The following FAM178B variants were observed in gnomAD, a reference collection of about 807,000 sequenced individuals.
The protein encoded by FAM178B is family with sequence similarity 178 member B, also known as protein FAM178B.
FAM178B carries 82 observed loss-of-function variants against 91.7 expected under a neutral mutation model. That is an observed-to-expected ratio of 0.89 (90% CI 0.75 to 1.07). The LOEUF is 1.07. Among genes scored for constraint, FAM178B ranks in the 50% least tolerant of loss-of-function variants. The pLI is 0.00. For synonymous variants in FAM178B, 368 were observed against 359.4 expected, an observed-to-expected ratio of 1.02 and a Z score of -0.27; for missense variants, 769 against 846.7, an observed-to-expected ratio of 0.91 and a Z score of 1.14.
At chr2:96,926,989 C>A (rs1440986559) in intron 9 of FAM178B, among the ~76,000 whole-genome samples, 1 of 152,204 alleles carries the variant, frequency 6.6e-6, no homozygotes, top group Non-Finnish European at 1.5e-5. Flanking sequence ...AAAAAAGATG[C>A]CTGGGCGGAG....
Position 96,951,481 on chromosome 2 carries a change from G to A in FAM178B, c.891C>T (p.Ser297=), listed in dbSNP as rs1326900158. Residue 297 remains serine, a synonymous_variant, in exon 7 of 17, where the codon TCC becomes TCT. Coordinates refer to ENST00000490605, the MANE Select transcript of FAM178B (RefSeq NM_001122646.3). ...RSHLEGLFLS[S]PPAQQLSFLR... is the part of the protein sequence containing the mutation. ...GGAAGGAGAGCTGTTGGGCTGGCGG[G>A]GAGCTGGGAGGCAGAGGGCTGAGGT... 1 of 1,551,382 alleles carries A rather than the reference G, an allele frequency of 6.4e-7. No individual in the cohort carries two copies. Among genetic ancestry groups the A allele is most frequent in the Non-Finnish European group, 8.7e-7 (1 of 1,146,716 alleles).
At chr2:96,916,359 C>T (rs1332285871) in intron 12 of FAM178B, among the ~76,000 whole-genome samples, 1 of 152,204 alleles carries the variant, frequency 6.6e-6, no homozygotes. Context: ...GGGCTGGTTT[C>T]GTGAGCCGTT....
intron 1 of FAM178B, chr2:96,977,956 A>AGGGGGGTGGGGGGGGGGGGG: frequency 2.9e-6 from 1 of 349,154 alleles, no homozygotes; most frequent in Non-Finnish European, 5.8e-6. Flanking sequence ...CGGGCGGGGG[A>AGGGGGGTGGGGGGGGGGGGG]GGGGGGCGAC....
At chr2:96,878,598 A>T in intron 14 of FAM178B, 105 bp from the exon 15 acceptor site, 1 of 1,036,584 alleles carries the variant, frequency 9.6e-7, no homozygotes, top group Non-Finnish European at 1.5e-6. Context: ...CAGGCCAGGC[A>T]GGGGCTCAGT....
chr2:96,976,687 A>G (rs996112482), intron 1 of FAM178B, among the ~76,000 whole-genome samples: 2 of 151,298 alleles, frequency 1.3e-5, no homozygotes, highest in African/African-American at 2.4e-5. Context: ...TTTACTAAAA[A>G]TACAAAAAAA....
intron 12 of FAM178B, among the ~76,000 whole-genome samples, chr2:96,913,455 A>C (rs1052455664): frequency 1.3e-5 from 2 of 152,122 alleles, no homozygotes; most frequent in Admixed American, 1.3e-4. Flanking sequence ...AGGGCCGGGC[A>C]GTGGTAAGGG....
At chr2:96,905,814 GTGTGTATATATATATATATATATATA>G (rs2081020892) in intron 12 of FAM178B, among the ~76,000 whole-genome samples, 1 of 34,486 alleles carries the variant, frequency 2.9e-5, no homozygotes, top group African/African-American at 1.1e-4. Context: ...ATACATATAT[GTGTGTATATATATATATATATATATA>G]TATATATATA....
At chr2:96,886,731 G>A (rs1469229119) in intron 14 of FAM178B, among the ~76,000 whole-genome samples, 1 of 152,220 alleles carries the variant, frequency 6.6e-6, no homozygotes, top group Non-Finnish European at 1.5e-5. Flanking sequence ...CGGCCTGGGA[G>A]CTGTTCCTGC....
intron 14 of FAM178B, among the ~76,000 whole-genome samples, chr2:96,890,969 G>A (rs2080664084): frequency 6.6e-6 from 1 of 152,192 alleles, no homozygotes; most frequent in Non-Finnish European, 1.5e-5. Flanking sequence ...ACCAAAAGCG[G>A]CTCAGCTTTG....
At chr2:96,900,747 A>G (rs952920335) in intron 13 of FAM178B, among the ~76,000 whole-genome samples, 4 of 152,026 alleles carry the variant, frequency 2.6e-5, no homozygotes, top group African/African-American at 7.3e-5. Context: ...ATCTGAGGCA[A>G]AAGCCAGGCC....
chr2:96,951,615 T>G, intron 6 of FAM178B, 131 bp from the exon 7 acceptor site: 2 of 701,180 alleles, frequency 2.9e-6, no homozygotes, highest in Non-Finnish European at 5.0e-6. Context: ...TAGAGACAAA[T>G]GTGCTTTTCA....
At chr2:96,939,582 G>A (rs2153372469) in intron 8 of FAM178B, among the ~76,000 whole-genome samples, 1 of 152,274 alleles carries the variant, frequency 6.6e-6, no homozygotes, top group South Asian at 2.1e-4. Context: ...GAGTATGCCA[G>A]GTAAAGAGGC....
intron 14 of FAM178B, among the ~76,000 whole-genome samples, chr2:96,890,257 C>T (rs947425450): frequency 2.0e-5 from 3 of 151,930 alleles, no homozygotes; most frequent in African/African-American, 2.4e-5. Flanking sequence ...CCAGCCTAGG[C>T]GACAGAGCAA....
chr2:96,981,932 G>A (rs1293257937), intron 1 of FAM178B, among the ~76,000 whole-genome samples: 7 of 151,854 alleles, frequency 4.6e-5, no homozygotes, highest in African/African-American at 1.7e-4. Flanking sequence ...GCTGGGCATG[G>A]TGGTGTGCAC....
intron 12 of FAM178B, among the ~76,000 whole-genome samples, chr2:96,907,572 G>A (rs1455290924): frequency 4.6e-5 from 7 of 152,322 alleles, no homozygotes; most frequent in East Asian, 3.9e-4. Context: ...TTCTGCCTCC[G>A]CCCTGTCCCC....
intron 1 of FAM178B, chr2:96,977,895 C>A (rs1376544289): frequency 2.2e-6 from 1 of 446,836 alleles, no homozygotes; most frequent in South Asian, 1.6e-5. Context: ...AAGCCCAGGG[C>A]ACTCTGCAAG....
intron 13 of FAM178B, 34 bp downstream of exon 13, chr2:96,902,586 G>A (rs919310801): frequency 1.4e-6 from 2 of 1,469,894 alleles, no homozygotes; most frequent in Non-Finnish European, 1.9e-6. Flanking sequence ...CGCAGGCCAT[G>A]GCCTTCCTGC....
At chr2:96,947,475 T>C (rs957590672) in intron 8 of FAM178B, among the ~76,000 whole-genome samples, 1 of 152,156 alleles carries the variant, frequency 6.6e-6, no homozygotes, top group Non-Finnish European at 1.5e-5. Context: ...TAACCGGCGC[T>C]TTCAGGAAGG....
chr2:96,924,744 TAAGA>T (rs2081406530), intron 9 of FAM178B, among the ~76,000 whole-genome samples: 1 of 152,192 alleles, frequency 6.6e-6, no homozygotes, highest in African/African-American at 2.4e-5. Flanking sequence ...TCTCCACTCT[TAAGA>T]AACGGCTTAA....
Sources: gnomAD v4.1 joint callset for allele counts (sites outside exome capture counted in the v4.1 genomes callset) on GRCh38, gnomAD v4.1.1 for gene constraint, MANE v1.5 for transcripts, NCBI Gene and HGNC (gene_info 2026-07-23, HGNC 2026-07-21) for gene names.